The following FAN1 variants were observed in gnomAD, a reference collection of about 807,000 sequenced individuals.
The protein encoded by FAN1 is FANCD2 and FANCI associated nuclease 1.
A neutral mutation model predicts 104.9 loss-of-function variants in FAN1; 91 were observed. That is an observed-to-expected ratio of 0.87 (90% CI 0.73 to 1.03). The LOEUF is 1.03. FAN1 is among the 50% of genes least tolerant of loss of function. The probability of loss-of-function intolerance (pLI) is 0.00; values close to 1 mark genes in which losing one functional copy is unlikely to be tolerated. For missense variants in FAN1, 1,263 were observed against 1,239.9 expected (o/e 1.02, Z -0.28); for synonymous variants, 478 against 457.6 (o/e 1.04, Z -0.57).
In FAN1 at chr15:30,925,945, T is replaced by C. The variant is rs373503800; in HGVS notation, c.2488+6T>C. 1.9e-6 allele frequency: 3 copies of C among 1,613,856 alleles called. No individual in the cohort carries two copies. The highest frequency in any genetic ancestry group is 2.7e-5 in the African/African-American group (2 of 74,954). ...ACGCAGCGGTTTTGACCAGGGTAACTGAGCAGGCTTTCTCTTGTGGCACCC... is the reference window on the plus strand; with the variant it reads ...ACGCAGCGGTTTTGACCAGGGTAACCGAGCAGGCTTTCTCTTGTGGCACCC... On this transcript the variant is annotated splice_donor_region_variant and intron_variant, in intron 10 of 14. Coordinates refer to ENST00000362065, the MANE Select transcript of FAN1 (RefSeq NM_014967.5).
rs2061958468 is a variant in FAN1 at position 30,905,590 on chromosome 15, T to G, written c.927T>G (p.Ala309=). ...CHCEEVKMTV[A]SEAKIQLSDS... ...GTGAAGAAGTAAAAATGACTGTTGCTTCAGAAGCTAAAATACAGCTGTCAG... is the reference window on the plus strand; with the variant it reads ...GTGAAGAAGTAAAAATGACTGTTGCGTCAGAAGCTAAAATACAGCTGTCAG... Residue 309 remains alanine (A), a synonymous_variant, in exon 2 of 15, where the codon GCT becomes GCG. Coordinates refer to ENST00000362065, the MANE Select transcript of FAN1 (RefSeq NM_014967.5). The G allele has an allele frequency of 6.2e-7, 1 of 1,614,088 alleles. No homozygotes were observed. Among genetic ancestry groups the G allele is most frequent in the Non-Finnish European group, 8.5e-7 (1 of 1,179,938 alleles).
At chr15:30,913,603 C>T (rs1445481220) in intron 4 of FAN1, among the ~76,000 whole-genome samples, 1 of 152,160 alleles carries the variant, frequency 6.6e-6, no homozygotes, top group Non-Finnish European at 1.5e-5. Flanking sequence ...CCAGGGTAAA[C>T]CCCAACCTAC....
At chr15:30,920,254 G>T (rs1310446926) in intron 6 of FAN1, among the ~76,000 whole-genome samples, 1 of 152,150 alleles carries the variant, frequency 6.6e-6, no homozygotes, top group Non-Finnish European at 1.5e-5. Flanking sequence ...TTCTTAGTTT[G>T]CAGGACATAG....
rs753439490 is a variant in FAN1, at chr15:30,922,370, AC to A, written c.2172+17del. On this transcript the variant is annotated intron_variant, in intron 8 of 14. Coordinates refer to ENST00000362065, the MANE Select transcript of FAN1 (RefSeq NM_014967.5). The stretch of plus-strand genomic sequence containing the variant: ...CCTGGAACCGGTACTCAGTAACAAA[AC>A]ATATCTGAAACACCTTTTCATTTTA... The A allele has an allele frequency of 1.6e-5, 26 of 1,584,942 alleles. No homozygotes were observed. The highest frequency in any genetic ancestry group is 4.0e-5 in the Admixed American group (2 of 49,804).
At chr15:30,914,180 A>T (rs2062155166) in intron 5 of FAN1, 89 bp downstream of exon 5, 1 of 935,350 alleles carries the variant, frequency 1.1e-6, no homozygotes, top group Admixed American at 2.5e-5. Context: ...CCAAAGTAGA[A>T]ACATTAAGTC....
At chr15:30,937,339 T>C in intron 14 of FAN1, 80 bp downstream of exon 14, 2 of 1,368,478 alleles carry the variant, frequency 1.5e-6, no homozygotes, top group Non-Finnish European at 2.0e-6. Flanking sequence ...AATTTTGTTA[T>C]CGTGCATTAT....
Position 30,904,782 on chromosome 15 carries a change from C to G in FAN1, c.119C>G (p.Ala40Gly), listed in dbSNP as rs2061934360. 1.9e-6 allele frequency: 3 copies of G among 1,613,662 alleles called. No individual in the cohort carries two copies. Among genetic ancestry groups the G allele is most frequent in the Non-Finnish European group, 2.5e-6 (3 of 1,179,614 alleles). Residue 40 changes from alanine to glycine, a missense_variant, in exon 2 of 15, where the codon GCT becomes GGT. Physicochemically the swap from Ala to Gly is moderately conservative, Grantham distance 60 (BLOSUM62 0). Coordinates refer to ENST00000362065, the MANE Select transcript of FAN1 (RefSeq NM_014967.5). ...IISCFNNAPPAKLACPVCSKM... is the reference protein window; with the variant it reads ...IISCFNNAPPGKLACPVCSKM... ...TCGTGTTTTAACAATGCACCACCTG[C>G]TAAACTTGCCTGCCCCGTTTGCAGT...
In FAN1 at chr15:30,905,305, C is replaced by G; in HGVS notation, c.642C>G (p.Asn214Lys). The G allele has an allele frequency of 1.2e-6, 2 of 1,613,802 alleles. No homozygotes were observed. The highest frequency in any genetic ancestry group is 1.7e-6 in the Non-Finnish European group (2 of 1,179,896). Reference sequence around the variant, plus strand: ...TGGAGAACAGTTCTCAAAAAGAAAACGTGTTTAAATGTGATTCTCTAAAGG... The same window carrying G: ...TGGAGAACAGTTCTCAAAAAGAAAAGGTGTTTAAATGTGATTCTCTAAAGG... ...QILENSSQKE[N>K]VFKCDSLKEE... is the part of the protein sequence containing the mutation. Residue 214 changes from asparagine to lysine, a missense_variant, in exon 2 of 15, where the codon AAC (asparagine) becomes AAG (lysine). Around this residue, in one of 2 missense-constraint regions of FAN1, gnomAD observed 682 missense variants for 571.1 expected, o/e 1.19. Coordinates refer to ENST00000362065, the MANE Select transcript of FAN1 (RefSeq NM_014967.5).
At chr15:30,906,506 T>G in intron 2 of FAN1, 1 of 456,596 alleles carries the variant, frequency 2.2e-6, no homozygotes, top group Non-Finnish European at 4.4e-6. Context: ...GCAGTGCAGG[T>G]TTGTAGTAAA....
chr15:30,927,935 G>A (rs2062506217), intron 10 of FAN1: 6 of 985,812 alleles, frequency 6.1e-6, no homozygotes, highest in Non-Finnish European at 7.2e-6. Context: ...AAACATTTGT[G>A]TGACGTGAGG....
In FAN1 at chr15:30,916,091, G is replaced by A. The variant is rs570851486; in HGVS notation, c.1811+2000G>A. 2.4e-3 allele frequency among the ~76,000 whole-genome samples: 358 copies of A among 152,278 alleles called. 2 individuals carry two copies. The highest frequency in any genetic ancestry group is 0.01 in the Middle Eastern group (3 of 294). ...TCAGGAAGCTCAGTATCTTATTTGTGTTCAATGGGAATAACTTTTTTAGTT... is the reference window on the plus strand; with the variant it reads ...TCAGGAAGCTCAGTATCTTATTTGTATTCAATGGGAATAACTTTTTTAGTT... On this transcript the variant is annotated intron_variant, in intron 5 of 14. Coordinates refer to ENST00000362065, the MANE Select transcript of FAN1 (RefSeq NM_014967.5).
intron 1 of FAN1, 68 bp from the exon 2 acceptor site, chr15:30,904,444 C>T (rs1164888124): frequency 3.2e-6 from 2 of 634,406 alleles, no homozygotes; most frequent in Non-Finnish European, 5.6e-6. Flanking sequence ...TTAAACGTTT[C>T]AGAGTTCGCT....
At chr15:30,919,400 A>G (rs962658879) in intron 6 of FAN1, among the ~76,000 whole-genome samples, 10 of 125,712 alleles carry the variant, frequency 8.0e-5, no homozygotes, top group African/African-American at 3.0e-4. Context: ...AAAAAAAAAA[A>G]TCATAAGGGG....
Position 30,941,584 on chromosome 15 carries a change from T to C in FAN1, c.*22T>C. The C allele has an allele frequency of 6.3e-7, 1 of 1,599,814 alleles. No homozygotes were observed. The highest frequency in any genetic ancestry group is 8.5e-7 in the Non-Finnish European group (1 of 1,172,718). ...TGCACAGATTCCCTACAGGAGAAAA[T>C]GGAAATGAGGAGGAGAGAAACTCCG... On this transcript the variant is annotated 3_prime_UTR_variant, in exon 15 of 15. Transcript: ENST00000362065.
At chr15:30,912,543 G>A (rs1413156005) in intron 4 of FAN1, among the ~76,000 whole-genome samples, 3 of 152,210 alleles carry the variant, frequency 2.0e-5, no homozygotes. Flanking sequence ...TCTCAGTTCA[G>A]TGGTGGTGTG....
chr15:30,928,494 AT>A (rs1207874014), intron 10 of FAN1, 58 bp from the exon 11 acceptor site: 11 of 1,531,220 alleles, frequency 7.2e-6, no homozygotes, highest in African/African-American at 1.5e-5. Context: ...GAAGAAACAG[AT>A]AAAACAGATT....
intron 2 of FAN1, 23 bp downstream of exon 2, chr15:30,905,920 T>A (rs757384774): frequency 6.3e-7 from 1 of 1,590,632 alleles, no homozygotes; most frequent in Non-Finnish European, 8.6e-7. Context: ...CGTGTTTGTT[T>A]TCAAGTTTTC....
At position 30,922,459 on chromosome 15, in the gene FAN1, A is replaced by C. The variant is rs904619714; in HGVS notation, c.2172+105A>C. On this transcript the variant is annotated intron_variant, in intron 8 of 14. Coordinates refer to ENST00000362065, the MANE Select transcript of FAN1 (RefSeq NM_014967.5). ...AAATTTACATGTAATTAGAACATGT[A>C]TTTCTTTTGTTAACATTCTTCTTTT... The C allele has an allele frequency of 2.6e-6, 3 of 1,166,086 alleles. No individual in the cohort carries two copies. In the African/African-American group the frequency reaches 4.6e-5, roughly 18 times the overall value. The allele number at this position is 1,166,086 out of a possible 1,614,324, so 72.2% of individuals were successfully genotyped here.
chr15:30,908,260 T>TA lies in FAN1; in HGVS notation c.1375+3dup. 1 of 1,592,400 alleles carries TA rather than the reference T, an allele frequency of 6.3e-7. No individual in the cohort carries two copies. ...CGAATGCAGGCTTTCTACAGACAGG[T>TA]ATGACTAGTAGAAGGAGATGTGAAA... On this transcript the variant is annotated splice_region_variant and intron_variant, in intron 3 of 14. Coordinates refer to ENST00000362065, the MANE Select transcript of FAN1 (RefSeq NM_014967.5).
Sources: allele counts gnomAD v4.1 joint callset (sites outside exome capture counted in the v4.1 genomes callset), GRCh38; gene constraint gnomAD v4.1.1; regional missense constraint gnomAD v4.1.1; transcripts MANE v1.5; gene names NCBI Gene and HGNC (gene_info 2026-07-23, HGNC 2026-07-21).